Variants in ANO2 observed in about 807,000 individuals in gnomAD.
The protein encoded by ANO2 is anoctamin-2.
A neutral mutation model predicts 124.2 loss-of-function variants in ANO2; 101 were observed. The observed-to-expected ratio is 0.81, with a 90% CI of 0.69 to 0.96. The LOEUF (loss-of-function observed/expected upper bound fraction) is 0.96. Among genes scored for constraint, ANO2 ranks in the 40% least tolerant of loss-of-function variants. The pLI, the probability that ANO2 is intolerant of heterozygous loss-of-function variation, is 0.00. For missense variants in ANO2, 1,293 were observed against 1,274.5 expected, an observed-to-expected ratio of 1.01 and a Z score of -0.22; for synonymous variants, 486 against 482.5, an observed-to-expected ratio of 1.01 and a Z score of -0.09.
intron 3 of ANO2, among the ~76,000 whole-genome samples, chr12:5,867,800 A>C (rs1012802710): frequency 6.7e-6 from 1 of 148,788 alleles, no homozygotes; most frequent in Non-Finnish European, 1.5e-5. Flanking sequence ...AAAAAAAAAA[A>C]CCAGTGGATT....
chr12:5,905,660 A>G (rs758083343), intron 3 of ANO2, among the ~76,000 whole-genome samples: 1 of 152,232 alleles, frequency 6.6e-6, no homozygotes, highest in Non-Finnish European at 1.5e-5. Flanking sequence ...TGAAGAGCCC[A>G]TGACAAATCC....
At chr12:5,860,888 G>C (rs1955247975) in intron 3 of ANO2, among the ~76,000 whole-genome samples, 1 of 152,156 alleles carries the variant, frequency 6.6e-6, no homozygotes, top group South Asian at 2.1e-4. Context: ...GCTTCTGGGG[G>C]TGTTATAGCA....
chr12:5,635,696 A>G lies in ANO2; in HGVS notation c.1621-349T>C, dbSNP rs924065856. ...CATGACGCAATTTCTTTCATTAGGG[A>G]GCTTTTGATCTTCTAAAGAGATAAC... On this transcript the variant is annotated intron_variant, in intron 15 of 24. Coordinates refer to ENST00000682330, the MANE Select transcript of ANO2 (RefSeq NM_001364791.2). This position sits in a 1 kb window ranked among gnomAD's most constrained non-coding sequence, Gnocchi z 5.2. Among the ~76,000 whole-genome samples the G allele has an allele frequency of 1.3e-5, 2 of 151,884 alleles. No homozygotes were observed. The highest frequency in any genetic ancestry group is 2.4e-5 in the African/African-American group (1 of 41,306).
chr12:5,733,767 C>G (rs35755540), intron 13 of ANO2, among the ~76,000 whole-genome samples: 1,872 of 152,380 alleles, frequency 0.012, 21 homozygotes, highest in South Asian at 0.028. Flanking sequence ...AGTCCCACCC[C>G]TTCCAGGAGG....
chr12:5,760,220 C>T (rs981830794), intron 10 of ANO2, among the ~76,000 whole-genome samples: 2 of 151,800 alleles, frequency 1.3e-5, no homozygotes, highest in African/African-American at 4.8e-5. Context: ...TTTTTTATTC[C>T]AAGTTTATAA....
chr12:5,622,738 C>A (rs1945175090), intron 16 of ANO2, among the ~76,000 whole-genome samples: 1 of 151,990 alleles, frequency 6.6e-6, no homozygotes, highest in South Asian at 2.1e-4. Flanking sequence ...CTGAGGAGGG[C>A]AGATCACTTG....
chr12:5,817,958 G>A (rs946220035), intron 7 of ANO2, among the ~76,000 whole-genome samples: 1 of 152,028 alleles, frequency 6.6e-6, no homozygotes, highest in South Asian at 2.1e-4. Context: ...CAGAAGGAGA[G>A]CAGTTGAGTA....
intron 13 of ANO2, among the ~76,000 whole-genome samples, chr12:5,734,412 C>T (rs1950769577): frequency 6.6e-6 from 1 of 152,194 alleles, no homozygotes; most frequent in Non-Finnish European, 1.5e-5. Context: ...CAGTGAGTTC[C>T]AGAACATGGG....
intron 16 of ANO2, among the ~76,000 whole-genome samples, chr12:5,627,798 A>C (rs1396189252): frequency 6.6e-6 from 1 of 152,042 alleles, no homozygotes; most frequent in East Asian, 1.9e-4. Flanking sequence ...TAGACTCAAG[A>C]CTTCCTGGTA....
intron 19 of ANO2, 46 bp from the exon 20 acceptor site, chr12:5,599,675 G>A: frequency 6.3e-7 from 1 of 1,595,910 alleles, no homozygotes; most frequent in South Asian, 1.1e-5. Flanking sequence ...TGGAGAACAG[G>A]GTTGGTTTTG....
In ANO2 at chr12:5,575,928, C is replaced by A; in HGVS notation, c.2527G>T (p.Val843Phe). 6.2e-7 allele frequency: 1 copy of A among 1,613,576 alleles called. No homozygotes were observed. The change falls in exon 23 of 25, where the codon GTC becomes TTC. Residue 843 changes from valine to phenylalanine, a missense_variant. Transcript: ENST00000682330. The stretch of plus-strand genomic sequence containing the variant: ...TTGAAAAAGGAGAGGGTGTGGTTGA[C>A]AAAGCCGTGCAGAGTCCCATTGTGA... ...YSHNGTLHGF[V>F]NHTLSFFNVS... is the part of the protein sequence containing the mutation.
chr12:5,807,754 C>T (rs1027055454), intron 7 of ANO2, among the ~76,000 whole-genome samples: 4 of 152,132 alleles, frequency 2.6e-5, no homozygotes, highest in Non-Finnish European at 5.9e-5. Context: ...TGAGAGCATC[C>T]GACTGCACTT....
intron 4 of ANO2, among the ~76,000 whole-genome samples, chr12:5,845,475 G>C (rs1370117053): frequency 6.6e-6 from 1 of 151,194 alleles, no homozygotes; most frequent in African/African-American, 2.4e-5. Flanking sequence ...GCTGAGGCCG[G>C]AGAATGGCAT....
chr12:5,915,792 C>T (rs1941344970), intron 3 of ANO2, among the ~76,000 whole-genome samples: 1 of 152,206 alleles, frequency 6.6e-6, no homozygotes, highest in South Asian at 2.1e-4. Flanking sequence ...GATGAATCTC[C>T]AAGCACAGTT....
intron 20 of ANO2, among the ~76,000 whole-genome samples, chr12:5,590,472 G>A (rs1943340672): frequency 6.6e-6 from 1 of 152,220 alleles, no homozygotes; most frequent in Non-Finnish European, 1.5e-5. Flanking sequence ...TCAGAAAACA[G>A]TCAAGGGTAT....
In ANO2 at chr12:5,855,761, T is replaced by C. The variant is rs555590757; in HGVS notation, c.535-1620A>G. On this transcript the variant is annotated intron_variant, in intron 3 of 24. Transcript: ENST00000682330. ...GAAAGCAAGGCAGGGAAAATGTAAA[T>C]GATTTGCCCAAAGTTACACAGATAG... Among the ~76,000 whole-genome samples the C allele has an allele frequency of 5.3e-5, 8 of 152,322 alleles. No individual in the cohort carries two copies. In the East Asian group the frequency reaches 1.5e-3, roughly 29 times the overall value.
At chr12:5,893,654 C>A (rs567583728) in intron 3 of ANO2, among the ~76,000 whole-genome samples, 33 of 151,680 alleles carry the variant, frequency 2.2e-4, no homozygotes, top group African/African-American at 8.0e-4. Flanking sequence ...CCCCACCCCA[C>A]AACAGGCCCC....
At chr12:5,783,511 A>C (rs750143542) in intron 10 of ANO2, among the ~76,000 whole-genome samples, 3 of 152,228 alleles carry the variant, frequency 2.0e-5, no homozygotes, top group African/African-American at 4.8e-5. Flanking sequence ...GCTCTTAGGA[A>C]GTATCATGGC....
intron 7 of ANO2, among the ~76,000 whole-genome samples, chr12:5,809,678 C>T (rs1953324367): frequency 1.3e-5 from 2 of 152,154 alleles, no homozygotes; most frequent in South Asian, 4.1e-4. Context: ...GCGCCCTATC[C>T]CCCATCTTAA....
Sources: allele counts gnomAD v4.1 joint callset (sites outside exome capture counted in the v4.1 genomes callset), GRCh38; gene constraint gnomAD v4.1.1; non-coding constraint Gnocchi (gnomAD v3.1); transcripts MANE v1.5; gene names NCBI Gene and HGNC (gene_info 2026-07-23, HGNC 2026-07-21).